Variants in SCN7A observed in about 807,000 individuals in gnomAD.
SCN7A encodes sodium voltage-gated channel alpha subunit 7, also known as sodium channel protein type 7 subunit alpha.
A neutral mutation model predicts 155.2 loss-of-function variants in SCN7A; 138 were observed. The observed-to-expected ratio is 0.89, with a 90% CI of 0.77 to 1.02. The LOEUF (loss-of-function observed/expected upper bound fraction) is 1.02, where lower values mean the gene tolerates loss of function less well. Ranked by LOEUF, SCN7A falls within the 50% of genes least tolerant of loss-of-function variation. SCN7A has a pLI of 0.00. For missense variants in SCN7A, 2,058 were observed against 1,986.6 expected (o/e 1.04, Z -0.68); for synonymous variants, 693 against 649.0 (o/e 1.07, Z -1.03).
At chr2:166,459,048 T>A (rs1034273421) in intron 10 of SCN7A, among the ~76,000 whole-genome samples, 2 of 152,186 alleles carry the variant, frequency 1.3e-5, no homozygotes, top group Non-Finnish European at 2.9e-5. Flanking sequence ...TGGATTTTAG[T>A]ATCCACCAGA....
intron 17 of SCN7A, among the ~76,000 whole-genome samples, 197 bp downstream of exon 17, chr2:166,428,972 A>G (rs1430497874): frequency 6.6e-6 from 1 of 152,084 alleles, no homozygotes; most frequent in Admixed American, 6.6e-5. Context: ...GCCAATATTT[A>G]AGTTACTCAT....
In SCN7A at chr2:166,432,393, A is replaced by T. The variant is rs761954121; in HGVS notation, c.2517T>A (p.Ala839=). The change falls in exon 16 of 26, where the codon GCT becomes GCA. Residue 839 remains alanine, a synonymous_variant. Coordinates refer to ENST00000643258, the MANE Select transcript of SCN7A (RefSeq NM_002976.4). Reference sequence around the variant, plus strand: ...GATTTTCTATATCAGATTCTCCTGAAGCAATTGGTACAGTTTCTGAGACAC... The same window carrying T: ...GATTTTCTATATCAGATTCTCCTGATGCAATTGGTACAGTTTCTGAGACAC... ...SPSVSETVPI[A]SGESDIENLD... 1 of 1,613,504 alleles carries T rather than the reference A, an allele frequency of 6.2e-7. No homozygotes were observed. Among genetic ancestry groups the T allele is most frequent in the Non-Finnish European group, 8.5e-7 (1 of 1,179,596 alleles).
chr2:166,411,791 G>A (rs1701208596), intron 23 of SCN7A, among the ~76,000 whole-genome samples: 1 of 151,990 alleles, frequency 6.6e-6, no homozygotes. Flanking sequence ...AGTCCCCTTG[G>A]ATAAGGAGAG....
intron 7 of SCN7A, among the ~76,000 whole-genome samples, chr2:166,469,041 G>T (rs1290212710): frequency 6.0e-5 from 9 of 150,334 alleles, no homozygotes; most frequent in Admixed American, 5.3e-4. Flanking sequence ...TCTTTCATTT[G>T]TAGGGTCTTT....
chr2:166,482,005 G>A (rs550550117), intron 2 of SCN7A, among the ~76,000 whole-genome samples: 12 of 152,208 alleles, frequency 7.9e-5, no homozygotes, highest in South Asian at 2.1e-4. Context: ...CAATGTGGAC[G>A]CACATACTCC....
chr2:166,411,688 G>A (rs1304669842), intron 23 of SCN7A, among the ~76,000 whole-genome samples: 1 of 151,964 alleles, frequency 6.6e-6, no homozygotes, highest in African/African-American at 2.4e-5. Flanking sequence ...CATGGAAAAG[G>A]CATCTTAACG....
chr2:166,468,135 T>A (rs1702577145), intron 7 of SCN7A, among the ~76,000 whole-genome samples: 1 of 152,126 alleles, frequency 6.6e-6, no homozygotes, highest in African/African-American at 2.4e-5. Flanking sequence ...TACATTTCTC[T>A]ATTCTTACTT....
chr2:166,433,646 A>G (rs1007247145), intron 15 of SCN7A, among the ~76,000 whole-genome samples: 3 of 152,084 alleles, frequency 2.0e-5, no homozygotes, highest in Non-Finnish European at 4.4e-5. Flanking sequence ...AGGTGAGCAA[A>G]TAAGTTGTTT....
chr2:166,473,682 A>G (rs1702708832), intron 5 of SCN7A, 117 bp downstream of exon 5: 1 of 257,522 alleles, frequency 3.9e-6, no homozygotes, highest in Non-Finnish European at 7.4e-6. Flanking sequence ...CAAATATTAA[A>G]TTTATTATAA....
At position 166,421,251 on chromosome 2, in the gene SCN7A, G is replaced by A. The variant is rs1033864993; in HGVS notation, c.3074C>T (p.Pro1025Leu). 9 of 1,532,740 alleles carry A rather than the reference G, an allele frequency of 5.9e-6. No homozygotes were observed. Among genetic ancestry groups the A allele is most frequent in the South Asian group, 1.3e-5 (1 of 79,494 alleles). 94.9% of individuals were successfully genotyped at this position (1,532,740 alleles called of 1,614,324 possible). Reference protein sequence around the residue: ...LIGKTREELKPLISMKFLRPL... With the variant: ...LIGKTREELKLLISMKFLRPL... ...CCGAAGGAATTTCATGGAAATAAGA[G>A]GTTTTAGTTCTTCCCGAGTTTTGCC... Residue 1025 changes from proline to leucine, a missense_variant, in exon 20 of 26, where the codon CCT becomes CTT. Transcript: ENST00000643258.
Position 166,443,586 on chromosome 2 carries a change from C to G in SCN7A, c.1717G>C (p.Asp573His). ...GYFQVGWNIF[D>H]SMIVFHGLIE... ...AAACCATGGAACACTATCATGCTAT[C>G]AAAAATGTTCCAACCTACTTGGAAA... is the stretch of plus-strand genomic sequence containing the variant. Residue 573 changes from aspartate to histidine, a missense_variant, in exon 14 of 26, where the codon GAT becomes CAT. Transcript: ENST00000643258. 1.3e-6 allele frequency: 2 copies of G among 1,585,706 alleles called. No individual in the cohort carries two copies. The highest frequency in any genetic ancestry group is 1.7e-6 in the Non-Finnish European group (2 of 1,165,008).
At chr2:166,420,178 G>T (rs1701481409) in intron 20 of SCN7A, among the ~76,000 whole-genome samples, 1 of 151,750 alleles carries the variant, frequency 6.6e-6, no homozygotes, top group East Asian at 1.9e-4. Flanking sequence ...TGTATTTATA[G>T]AGAAAAATAA....
chr2:166,426,297 T>C (rs2105400240), intron 18 of SCN7A, among the ~76,000 whole-genome samples: 1 of 152,204 alleles, frequency 6.6e-6, no homozygotes, highest in African/African-American at 2.4e-5. Context: ...TGAAGATCCA[T>C]GATGCTAGCA....
intron 12 of SCN7A, among the ~76,000 whole-genome samples, chr2:166,445,866 CA>C (rs1303286041): frequency 6.6e-6 from 1 of 152,080 alleles, no homozygotes; most frequent in Non-Finnish European, 1.5e-5. Context: ...CCACCATATA[CA>C]AAAACTAACT....
chr2:166,452,395 AAC>A (rs1702193166), intron 11 of SCN7A, among the ~76,000 whole-genome samples: 1 of 152,114 alleles, frequency 6.6e-6, no homozygotes, highest in African/African-American at 2.4e-5. Context: ...AATAGCTAGA[AAC>A]ACATAATTTT....
At position 166,405,501 on chromosome 2, in the gene SCN7A, ACTTTT is replaced by A; in HGVS notation, c.*74_*78del. 9.6e-7 allele frequency: 1 copy of A among 1,037,298 alleles called. No homozygotes were observed. The highest frequency in any genetic ancestry group is 1.4e-6 in the Non-Finnish European group (1 of 711,496). The allele number at this position is 1,037,298 out of a possible 1,614,324, so 64.3% of individuals were successfully genotyped here. A position where few individuals can be genotyped will look rare whatever the true frequency, so the allele number is the denominator to read the frequency against. ...TTGTAAAGAACTGATTATTATCTCT[ACTTTT>A]CTTTTATTCCTGGCTTAGGCTTTCA... On this transcript the variant is annotated 3_prime_UTR_variant, in exon 26 of 26. Transcript: ENST00000643258.
chr2:166,473,921 A>C (rs758675292), intron 4 of SCN7A, 33 bp from the exon 5 acceptor site: 19 of 1,122,344 alleles, frequency 1.7e-5, no homozygotes, highest in Non-Finnish European at 2.0e-5. Flanking sequence ...TAGTTAATAA[A>C]TAATATTGGA....
At chr2:166,430,807 G>GT (rs1701718164) in intron 16 of SCN7A, among the ~76,000 whole-genome samples, 1 of 151,912 alleles carries the variant, frequency 6.6e-6, no homozygotes, top group Admixed American at 6.6e-5. Flanking sequence ...ACAAGACAGT[G>GT]TATCTCTGAA....
intron 2 of SCN7A, among the ~76,000 whole-genome samples, chr2:166,481,143 CAAAT>C (rs1034013271): frequency 2.3e-4 from 35 of 152,046 alleles, no homozygotes; most frequent in African/African-American, 8.2e-4. Context: ...CTAGTAGAAA[CAAAT>C]AAAATCATGA....
Sources: allele counts gnomAD v4.1 joint callset (sites outside exome capture counted in the v4.1 genomes callset), GRCh38; gene constraint gnomAD v4.1.1; transcripts MANE v1.5; gene names NCBI Gene and HGNC (gene_info 2026-07-23, HGNC 2026-07-21).